OC90: variants seen among roughly 807,000 people sequenced by gnomAD.
OC90 encodes the protein otoconin 90.
A neutral mutation model predicts 47.3 loss-of-function variants in OC90; 46 were observed. The ratio of observed to expected loss-of-function variants is 0.97; its 90% CI spans 0.77 to 1.24. OC90 has a LOEUF of 1.24. OC90 is among the 50% of genes most tolerant of loss of function. The pLI, the probability that OC90 is intolerant of heterozygous loss-of-function variation, is 0.00. For missense variants in OC90, 688 were observed against 583.9 expected (o/e 1.18, Z -1.84); for synonymous variants, 271 against 219.5 (o/e 1.23, Z -2.07).
At chr8:132,027,163 C>T (rs1822771909) in intron 13 of OC90, among the ~76,000 whole-genome samples, 2 of 152,288 alleles carry the variant, frequency 1.3e-5, no homozygotes, top group East Asian at 3.9e-4. Flanking sequence ...GGCCCCTGTG[C>T]TAACTGTTAG....
At chr8:132,049,676 G>A (rs553189566) in intron 2 of OC90, 35 of 372,752 alleles carry the variant, frequency 9.4e-5, no homozygotes, top group Admixed American at 5.7e-4. Context: ...TGACATACCT[G>A]AGGACTGACA....
chr8:132,041,610 C>T lies in OC90; in HGVS notation c.259G>A (p.Ala87Thr), dbSNP rs1823054537. 5 of 1,613,148 alleles carry T rather than the reference C, an allele frequency of 3.1e-6. No homozygotes were observed. Among genetic ancestry groups the T allele is most frequent in the Non-Finnish European group, 4.2e-6 (5 of 1,179,570 alleles). The change falls in exon 5 of 14, where the codon GCT becomes ACT. Residue 87 changes from alanine (A) to threonine (T), a missense_variant. Coordinates refer to ENST00000254627, the MANE Select transcript of OC90 (RefSeq NM_001080399.3). ...TCAAAGTCTCGGGGGCAGAGACCAG[C>T]CACACACTTCATACCATTGACAAAC... is the stretch of plus-strand genomic sequence containing the variant. ...IQFVNGMKCVAGLCPRDFEDY... is the reference protein window; with the variant it reads ...IQFVNGMKCVTGLCPRDFEDY...
chr8:132,055,145 A>G, intron 1 of OC90, 72 bp from the exon 2 acceptor site: 2 of 815,206 alleles, frequency 2.5e-6, no homozygotes, highest in Non-Finnish European at 3.9e-6. Context: ...TGGGACCCCC[A>G]TGTCCTTTCT....
Position 132,038,797 on chromosome 8 carries a change from C to T in OC90, c.621G>A (p.Leu207=). 3.7e-6 allele frequency: 6 copies of T among 1,613,708 alleles called. No homozygotes were observed. The highest frequency in any genetic ancestry group is 5.1e-6 in the Non-Finnish European group (6 of 1,179,756). The stretch of plus-strand genomic sequence containing the variant: ...AACCCTGGGAGGCCTTACCTCTGGG[C>T]AGAAGTGTTGTCAAGTCTTCCTTGA... ...TTIKEDLTTL[L]PRVVPVEPTD... Residue 207 remains leucine, a synonymous_variant, in exon 8 of 14, where the codon CTG becomes CTA. Coordinates refer to ENST00000254627, the MANE Select transcript of OC90 (RefSeq NM_001080399.3).
chr8:132,037,548 C>T, intron 8 of OC90, 60 bp from the exon 9 acceptor site: 1 of 1,470,750 alleles, frequency 6.8e-7, no homozygotes, highest in South Asian at 1.2e-5. Flanking sequence ...AAACCAAGCA[C>T]AGGGTCTCAA....
chr8:132,046,479 A>G (rs1823135038), intron 2 of OC90, among the ~76,000 whole-genome samples: 1 of 152,142 alleles, frequency 6.6e-6, no homozygotes, highest in Non-Finnish European at 1.5e-5. Context: ...AATGTTACTT[A>G]ATGGTGTAAT....
intron 4 of OC90, among the ~76,000 whole-genome samples, chr8:132,044,103 T>C (rs1823098011): frequency 6.6e-6 from 1 of 152,206 alleles, no homozygotes; most frequent in Non-Finnish European, 1.5e-5. Context: ...GGAGAGCTCC[T>C]CCCTTCTAGC....
rs765849463 is a variant in OC90, at chr8:132,041,587, A to T, written c.282T>A (p.Phe94Leu). 56 of 1,613,146 alleles carry T rather than the reference A, an allele frequency of 3.5e-5. No homozygotes were observed. The highest frequency in any genetic ancestry group is 4.7e-5 in the Non-Finnish European group (55 of 1,179,686). Residue 94 changes from phenylalanine (F) to leucine (L), a missense_variant, in exon 5 of 14, where the codon TTT becomes TTA. Transcript: ENST00000254627. Reference protein sequence around the residue: ...KCVAGLCPRDFEDYGCTCRFE... With the variant: ...KCVAGLCPRDLEDYGCTCRFE... ...ACCTGCAGGTGCAACCATAGTCTTC[A>T]AAGTCTCGGGGGCAGAGACCAGCCA... is the stretch of plus-strand genomic sequence containing the variant.
At position 132,024,809 on chromosome 8, in the gene OC90, G is replaced by T. The variant is rs372283485; in HGVS notation, c.1139-33C>A. ...GGAAAGAGCAGAGTAGAAGCCATGAGACCTCTGAGGATGGCACTGGGAGGC... is the reference window on the plus strand; with the variant it reads ...GGAAAGAGCAGAGTAGAAGCCATGATACCTCTGAGGATGGCACTGGGAGGC... On this transcript the variant is annotated intron_variant, in intron 13 of 13. Transcript: ENST00000254627. 3.4e-5 allele frequency: 54 copies of T among 1,574,432 alleles called. No homozygotes were observed. In the African/African-American group the frequency reaches 6.7e-4, roughly 20 times the overall value.
chr8:132,036,256 T>G, intron 9 of OC90: 1 of 700,464 alleles, frequency 1.4e-6, no homozygotes, highest in Non-Finnish European at 2.6e-6. Flanking sequence ...TATAATAATA[T>G]TTATTTCAGG....
chr8:132,025,500 A>C (rs1294781268), intron 13 of OC90, among the ~76,000 whole-genome samples: 3 of 152,164 alleles, frequency 2.0e-5, no homozygotes, highest in Non-Finnish European at 4.4e-5. Context: ...CAAAACTTCA[A>C]CCAGCAAAGG....
At chr8:132,032,165 A>AC in intron 11 of OC90, 113 bp from the exon 12 acceptor site, 1 of 902,724 alleles carries the variant, frequency 1.1e-6, no homozygotes, top group East Asian at 2.4e-5. Context: ...ATGCAAAGGA[A>AC]CCCCATGTCT....
chr8:132,028,730 GAA>G (rs1314259515), intron 13 of OC90, among the ~76,000 whole-genome samples: 6 of 142,902 alleles, frequency 4.2e-5, no homozygotes, highest in African/African-American at 1.6e-4. Flanking sequence ...GAAAGAGAAA[GAA>G]AGAAAGGAAG....
At chr8:132,047,958 A>T (rs910784990) in intron 2 of OC90, among the ~76,000 whole-genome samples, 1 of 152,212 alleles carries the variant, frequency 6.6e-6, no homozygotes, top group Non-Finnish European at 1.5e-5. Context: ...GCATTCATAC[A>T]TGAGATTAGC....
chr8:132,027,081 T>C (rs1021965888), intron 13 of OC90, among the ~76,000 whole-genome samples: 2 of 152,168 alleles, frequency 1.3e-5, no homozygotes, highest in Non-Finnish European at 2.9e-5. Flanking sequence ...CACACCTCTC[T>C]TGAATTTTTC....
intron 9 of OC90, among the ~76,000 whole-genome samples, 153 bp downstream of exon 9, chr8:132,037,285 G>C (rs1467883832): frequency 6.6e-6 from 1 of 152,226 alleles, no homozygotes; most frequent in African/African-American, 2.4e-5. Flanking sequence ...TTGGATCATG[G>C]GGATGGATTT....
At chr8:132,042,311 C>G (rs1040167282) in intron 4 of OC90, among the ~76,000 whole-genome samples, 1 of 152,128 alleles carries the variant, frequency 6.6e-6, no homozygotes, top group African/African-American at 2.4e-5. Context: ...GTTGAGCTAC[C>G]ACACGCATAT....
chr8:132,032,901 C>T, intron 11 of OC90, 138 bp downstream of exon 11: 2 of 970,988 alleles, frequency 2.1e-6, no homozygotes, highest in Middle Eastern at 3.3e-4. Flanking sequence ...TCAAGGTGCT[C>T]ATGCAGTCAG....
chr8:132,032,170 A>C (rs1434872539), intron 11 of OC90, 118 bp from the exon 12 acceptor site: 1 of 858,682 alleles, frequency 1.2e-6, no homozygotes, highest in Non-Finnish European at 1.9e-6. Flanking sequence ...AAGGAACCCC[A>C]TGTCTTACTC....
Sources: gnomAD v4.1 joint callset for allele counts (sites outside exome capture counted in the v4.1 genomes callset) on GRCh38, gnomAD v4.1.1 for gene constraint, MANE v1.5 for transcripts, NCBI Gene and HGNC (gene_info 2026-07-23, HGNC 2026-07-21) for gene names.